The following ABI3BP variants were observed in gnomAD, a reference collection of about 807,000 sequenced individuals.
ABI3BP encodes the protein ABI family member 3 binding protein, also known as target of Nesh-SH3.
Under a neutral mutation model 268.6 loss-of-function variants are expected in ABI3BP, and 216 were observed. The observed-to-expected ratio is 0.80, with a 90% CI of 0.72 to 0.90. ABI3BP has a LOEUF of 0.90. Ranked by LOEUF, ABI3BP falls within the 40% of genes least tolerant of loss-of-function variation. ABI3BP has a pLI of 0.00. For missense variants in ABI3BP, 2,090 were observed against 2,182.4 expected (o/e 0.96, Z 0.84); for synonymous variants, 730 against 730.0 (o/e 1.00, Z 0.00).
chr3:100,820,063 G>C (rs2098173394), intron 40 of ABI3BP, among the ~76,000 whole-genome samples, 157 bp downstream of exon 40: 1 of 151,996 alleles, frequency 6.6e-6, no homozygotes, highest in Non-Finnish European at 1.5e-5. Context: ...TCCCAACTGT[G>C]TTCTCCTTTG....
rs1293961319 is a variant in ABI3BP, at chr3:100,811,801, T to C, written c.3422-2A>G. 4.6e-6 allele frequency: 7 copies of C among 1,535,280 alleles called. No individual in the cohort carries two copies. Among genetic ancestry groups the C allele is most frequent in the African/African-American group, 1.4e-5 (1 of 72,994 alleles). ...ATACATAGTCTGTTTTGGCTGGTGCTAGGGAAGAAACGGGAATGGCTGGTT... is the reference window on the plus strand; with the variant it reads ...ATACATAGTCTGTTTTGGCTGGTGCCAGGGAAGAAACGGGAATGGCTGGTT... On this transcript the variant is annotated splice_acceptor_variant, in intron 46 of 67. Transcript: ENST00000471714. LOFTEE classifies it high-confidence loss of function.
At chr3:100,949,357 G>A (rs959634414) in intron 1 of ABI3BP, among the ~76,000 whole-genome samples, 1 of 152,176 alleles carries the variant, frequency 6.6e-6, no homozygotes, top group Non-Finnish European at 1.5e-5. Flanking sequence ...ACAGGCTCAA[G>A]CAATTCTCGT....
At chr3:100,763,187 G>A (rs975230579) in intron 63 of ABI3BP, among the ~76,000 whole-genome samples, 3 of 152,080 alleles carry the variant, frequency 2.0e-5, no homozygotes, top group Admixed American at 1.3e-4. Context: ...GGGGCTGGGC[G>A]TGGTGGCTCA....
intron 12 of ABI3BP, chr3:100,863,322 CT>C (rs566804509): frequency 4.1e-3 from 617 of 149,318 alleles, no homozygotes; most frequent in South Asian, 8.7e-3. Flanking sequence ...CCCCCAACCT[CT>C]TTTTTTTTTT....
In ABI3BP at chr3:100,838,461, G is replaced by A. The variant is rs183274154; in HGVS notation, c.1949C>T (p.Ser650Leu). ...QPEPLVPTTA[S>L]KPSERPKTTH... The stretch of plus-strand genomic sequence containing the variant: ...GGTTTTAGGTCTCTCAGATGGTTTT[G>A]AGGCTAAAGAAAAAGGTATTAAAAT... Residue 650 changes from serine (S) to leucine (L), a missense_variant, in exon 25 of 68, where the codon TCA becomes TTA. Transcript: ENST00000471714. 259 of 1,535,436 alleles carry A rather than the reference G, an allele frequency of 1.7e-4. 4 individuals are homozygous for A. In the African/African-American group the frequency reaches 3.1e-3, roughly 18 times the overall value.
At chr3:100,770,651 T>C in intron 62 of ABI3BP, 92 bp downstream of exon 62, 1 of 1,248,968 alleles carries the variant, frequency 8.0e-7, no homozygotes, top group African/African-American at 1.5e-5. Flanking sequence ...CAGGTATGCT[T>C]CACATGTCAA....
rs953850596 is a variant in ABI3BP at position 100,816,786 on chromosome 3, G to A, written c.3149-18C>T. The A allele has an allele frequency of 2.0e-6, 3 of 1,534,080 alleles. No individual in the cohort carries two copies. In the African/African-American group the frequency reaches 4.1e-5, roughly 21 times the overall value. The stretch of plus-strand genomic sequence containing the variant: ...TTTAGGAGCTGAAGGAAGAAACTTT[G>A]GATTACTCTAGTGCAGGTGGCTTTG... On this transcript the variant is annotated intron_variant, in intron 42 of 67. Coordinates refer to ENST00000471714, the MANE Select transcript of ABI3BP (RefSeq NM_001375547.2).
In ABI3BP at chr3:100,815,875, A is replaced by G. The variant is rs1342693692; in HGVS notation, c.3289+37T>C. The G allele has an allele frequency of 2.2e-5, 32 of 1,477,856 alleles. No homozygotes were observed. In the Admixed American group the frequency reaches 2.6e-4, roughly 12 times the overall value. The allele number at this position is 1,477,856 out of a possible 1,614,324, so 91.5% of individuals were successfully genotyped here. A position where few individuals can be genotyped will look rare whatever the true frequency, so the allele number is the denominator to read the frequency against. On this transcript the variant is annotated intron_variant, in intron 44 of 67. Transcript: ENST00000471714. ...TGCTCAAGTGCGTTTTTAAATGGCA[A>G]TAAAAAGCATTTAATGCAAGTCACA...
Position 100,851,860 on chromosome 3 carries a change from A to G in ABI3BP, c.1351+15T>C, listed in dbSNP as rs764648567. The stretch of plus-strand genomic sequence containing the variant: ...CACCTGGGATCCAAAGACAGAATTG[A>G]GAGGCCAGATATACCTGTGTAGGAA... On this transcript the variant is annotated intron_variant, in intron 15 of 67. Coordinates refer to ENST00000471714, the MANE Select transcript of ABI3BP (RefSeq NM_001375547.2). 4 of 1,572,710 alleles carry G rather than the reference A, an allele frequency of 2.5e-6. No individual in the cohort carries two copies. The East Asian group carries it at 9.1e-5, about 36-fold the overall frequency.
At chr3:100,938,572 G>T (rs1207665813) in intron 1 of ABI3BP, among the ~76,000 whole-genome samples, 3 of 152,100 alleles carry the variant, frequency 2.0e-5, no homozygotes, top group Non-Finnish European at 4.4e-5. Context: ...ATAGAAATGT[G>T]TAGTCTTGTG....
chr3:100,894,904 A>C (rs1284851090), intron 4 of ABI3BP, among the ~76,000 whole-genome samples: 9 of 128,678 alleles, frequency 7.0e-5, no homozygotes, highest in Admixed American at 8.9e-5. Context: ...GCGCCTCTGC[A>C]CTCCAGCCTG....
At chr3:100,983,637 CTT>C (rs2090588083) in intron 1 of ABI3BP, among the ~76,000 whole-genome samples, 1 of 152,164 alleles carries the variant, frequency 6.6e-6, no homozygotes, top group Non-Finnish European at 1.5e-5. Context: ...AAGTAAATGA[CTT>C]TTGCGTGGCC....
At chr3:100,895,950 G>T (rs1024226741) in intron 4 of ABI3BP, among the ~76,000 whole-genome samples, 1 of 152,078 alleles carries the variant, frequency 6.6e-6, no homozygotes, top group African/African-American at 2.4e-5. Context: ...GACTTTAAAT[G>T]TCGGTTTATT....
chr3:100,971,573 T>C (rs1396541727), intron 1 of ABI3BP, among the ~76,000 whole-genome samples: 1 of 152,198 alleles, frequency 6.6e-6, no homozygotes, highest in Non-Finnish European at 1.5e-5. Flanking sequence ...AGGTCCAGGA[T>C]GGAGAACACA....
At chr3:100,795,719 T>A (rs2097326427) in intron 53 of ABI3BP, 85 bp downstream of exon 53, 1 of 1,002,248 alleles carries the variant, frequency 1.0e-6, no homozygotes, top group Admixed American at 3.1e-5. Context: ...GAAGAAATGA[T>A]GTTTCAACAG....
intron 1 of ABI3BP, among the ~76,000 whole-genome samples, chr3:100,971,949 G>A (rs1309339594): frequency 1.3e-5 from 2 of 152,066 alleles, no homozygotes; most frequent in African/African-American, 2.4e-5. Flanking sequence ...TTTCTCAGTG[G>A]AGGAATCACA....
chr3:100,857,696 T>C (rs2098954857), intron 14 of ABI3BP, among the ~76,000 whole-genome samples: 1 of 152,200 alleles, frequency 6.6e-6, no homozygotes, highest in African/African-American at 2.4e-5. Context: ...GAGTGGTTTA[T>C]TGAATAATAT....
intron 1 of ABI3BP, among the ~76,000 whole-genome samples, chr3:100,954,417 C>T (rs2076142884): frequency 6.6e-6 from 1 of 152,102 alleles, no homozygotes; most frequent in Non-Finnish European, 1.5e-5. Flanking sequence ...TCACGAAATC[C>T]CTTCTAATCA....
chr3:100,834,629 C>A, intron 29 of ABI3BP, 55 bp downstream of exon 29: 1 of 1,493,798 alleles, frequency 6.7e-7, no homozygotes. Flanking sequence ...AAACTGCCAC[C>A]CCCATGCCAC....
Sources: allele counts gnomAD v4.1 joint callset (sites outside exome capture counted in the v4.1 genomes callset), GRCh38; gene constraint gnomAD v4.1.1; transcripts MANE v1.5; gene names NCBI Gene and HGNC (gene_info 2026-07-23, HGNC 2026-07-21).